The following PLPPR1 variants were observed in gnomAD, a reference collection of about 807,000 sequenced individuals.
The protein encoded by PLPPR1 is phospholipid phosphatase related 1, also known as phospholipid phosphatase-related protein type 1.
In PLPPR1, 10 loss-of-function variants were observed where a neutral mutation model predicts 33.1. The observed-to-expected ratio is 0.30, with a 90% CI of 0.19 to 0.51. PLPPR1 has a LOEUF of 0.51. Ranked by LOEUF, PLPPR1 falls within the 20% of genes least tolerant of loss-of-function variation. PLPPR1 has a pLI of 0.97. For synonymous variants in PLPPR1, 151 were observed against 151.0 expected (o/e 1.00, Z 0.00); for missense variants, 304 against 408.1 (o/e 0.74, Z 2.20).
At chr9:101,155,376 A>G (rs998957394) in intron 1 of PLPPR1, among the ~76,000 whole-genome samples, 1 of 152,184 alleles carries the variant, frequency 6.6e-6, no homozygotes, top group African/African-American at 2.4e-5. Context: ...AGAGGCTTGC[A>G]TCTGGTGAGA....
At chr9:101,256,091 T>C (rs1428724000) in intron 2 of PLPPR1, among the ~76,000 whole-genome samples, 3 of 152,064 alleles carry the variant, frequency 2.0e-5, no homozygotes, top group Non-Finnish European at 4.4e-5. Flanking sequence ...TCCTCTTAGT[T>C]TCCGCTCCTG....
intron 1 of PLPPR1, among the ~76,000 whole-genome samples, chr9:101,087,478 C>T (rs1454260181): frequency 6.6e-6 from 1 of 152,178 alleles, no homozygotes; most frequent in Admixed American, 6.5e-5. Flanking sequence ...ATTATATCTA[C>T]TTCTACCAAA....
chr9:101,321,266 G>A (rs1417038501), intron 7 of PLPPR1, among the ~76,000 whole-genome samples: 3 of 152,124 alleles, frequency 2.0e-5, no homozygotes, highest in East Asian at 1.9e-4. Context: ...AGTCACGCTC[G>A]TTTCCCTTTC....
At chr9:101,276,273 G>A (rs185148236) in intron 3 of PLPPR1, among the ~76,000 whole-genome samples, 246 of 151,564 alleles carry the variant, frequency 1.6e-3, no homozygotes, top group African/African-American at 5.7e-3. Context: ...AATATATTCA[G>A]TGTTTATAAT....
chr9:101,227,245 A>T (rs1371990433), intron 2 of PLPPR1, among the ~76,000 whole-genome samples: 1 of 152,020 alleles, frequency 6.6e-6, no homozygotes, highest in Non-Finnish European at 1.5e-5. Flanking sequence ...TCAATGCCAT[A>T]CATACATTCA....
At chr9:101,145,581 A>G (rs1463284086) in intron 1 of PLPPR1, among the ~76,000 whole-genome samples, 2 of 152,054 alleles carry the variant, frequency 1.3e-5, no homozygotes, top group African/African-American at 4.8e-5. Flanking sequence ...GGGTTTCACC[A>G]TGTTGGCCAG....
intron 1 of PLPPR1, among the ~76,000 whole-genome samples, chr9:101,079,583 CTTTT>C (rs11361751): frequency 1.4e-5 from 2 of 138,728 alleles, no homozygotes; most frequent in African/African-American, 2.7e-5. Flanking sequence ...TTTTGATTGC[CTTTT>C]TTTTTTTTTT....
At chr9:101,137,395 A>G (rs374603454) in intron 1 of PLPPR1, among the ~76,000 whole-genome samples, 9 of 152,208 alleles carry the variant, frequency 5.9e-5, no homozygotes, top group African/African-American at 1.9e-4. Flanking sequence ...CAAGAAATAC[A>G]TAGTTGGATA....
intron 1 of PLPPR1, among the ~76,000 whole-genome samples, chr9:101,167,186 T>TGTGTGTGTGTGTGTGTGTGTG (rs1825872610): frequency 5.6e-4 from 13 of 23,176 alleles, no homozygotes; most frequent in Non-Finnish European, 8.9e-4. Flanking sequence ...GTGTGTGTCT[T>TGTGTGTGTGTGTGTGTGTGTG]TCTCTCTCTC....
chr9:101,286,325 C>T, intron 4 of PLPPR1, 89 bp downstream of exon 4: 1 of 1,278,024 alleles, frequency 7.8e-7, no homozygotes, highest in Non-Finnish European at 1.1e-6. Context: ...ATGGAAGTAT[C>T]AACATTAAAA....
At chr9:101,102,179 T>C (rs1265710361) in intron 1 of PLPPR1, among the ~76,000 whole-genome samples, 4 of 128,702 alleles carry the variant, frequency 3.1e-5, no homozygotes, top group South Asian at 2.8e-4. Context: ...AGTTTTAGGG[T>C]ACATGTGCAC....
At chr9:101,203,723 T>TAGATATGTTATATATCTATCTATATATAG (rs1220274069) in intron 2 of PLPPR1, among the ~76,000 whole-genome samples, 1 of 151,560 alleles carries the variant, frequency 6.6e-6, no homozygotes, top group Non-Finnish European at 1.5e-5. Context: ...ACACATTATA[T>TAGATATGTTATATATCTATCTATATATAG]AGATATGTTA....
intron 3 of PLPPR1, among the ~76,000 whole-genome samples, chr9:101,284,397 A>C (rs1015186482): frequency 6.6e-6 from 1 of 152,224 alleles, no homozygotes; most frequent in African/African-American, 2.4e-5. Flanking sequence ...GTAGATGTGG[A>C]ATCTACAGAA....
chr9:101,319,127 C>T (rs1181706591), intron 7 of PLPPR1, among the ~76,000 whole-genome samples: 1 of 152,188 alleles, frequency 6.6e-6, no homozygotes, highest in African/African-American at 2.4e-5. Flanking sequence ...AATATTTTCA[C>T]TATTTAACGA....
intron 2 of PLPPR1, among the ~76,000 whole-genome samples, chr9:101,222,665 T>C (rs1166785318): frequency 6.6e-6 from 1 of 152,120 alleles, no homozygotes; most frequent in Non-Finnish European, 1.5e-5. Context: ...GAATGACAGG[T>C]CTTAAAACAG....
At chr9:101,141,725 A>T (rs1393175817) in intron 1 of PLPPR1, among the ~76,000 whole-genome samples, 1 of 152,174 alleles carries the variant, frequency 6.6e-6, no homozygotes, top group East Asian at 1.9e-4. Context: ...CATGGGAAAG[A>T]CGTAAAGAAG....
rs1215970376 is a variant in PLPPR1, at chr9:101,191,918, T to C, written c.63+6361T>C. Among the ~76,000 whole-genome samples the C allele has an allele frequency of 2.6e-5, 4 of 152,218 alleles. No homozygotes were observed. The East Asian group carries it at 7.7e-4, about 29-fold the overall frequency. ...GTACAGGTCTGACAGTTTTATCATT[T>C]TGATGGTTGCTCATACTTGCAATTT... is the stretch of plus-strand genomic sequence containing the variant. On this transcript the variant is annotated intron_variant, in intron 2 of 7. Coordinates refer to ENST00000374874, the MANE Select transcript of PLPPR1 (RefSeq NM_207299.2).
At chr9:101,095,892 T>C (rs1047049100) in intron 1 of PLPPR1, among the ~76,000 whole-genome samples, 1 of 152,170 alleles carries the variant, frequency 6.6e-6, no homozygotes, top group Non-Finnish European at 1.5e-5. Context: ...CAAGCCTTTC[T>C]TATTGATTGT....
At chr9:101,034,234 AG>A (rs1829982860) in intron 1 of PLPPR1, among the ~76,000 whole-genome samples, 1 of 152,042 alleles carries the variant, frequency 6.6e-6, no homozygotes, top group East Asian at 1.9e-4. Flanking sequence ...ACAGGAGAGG[AG>A]AGAGAGAGGA....
Sources: gnomAD v4.1 joint callset for allele counts (sites outside exome capture counted in the v4.1 genomes callset) on GRCh38, gnomAD v4.1.1 for gene constraint, MANE v1.5 for transcripts, NCBI Gene and HGNC (gene_info 2026-07-23, HGNC 2026-07-21) for gene names.